The following RPTN variants were observed in gnomAD, a reference collection of about 807,000 sequenced individuals.
RPTN encodes repetin, also known as intermediate filament-associated protein.
A neutral mutation model predicts 3.6 loss-of-function variants in RPTN; 4 were observed. The ratio of observed to expected loss-of-function variants is 1.12; its 90% confidence interval spans 0.55 to 2.55. The LOEUF is 2.55. Among genes scored for constraint, RPTN ranks in the 30% most tolerant of loss-of-function variants. The pLI is 0.02. For missense variants in RPTN, 860 were observed against 916.7 expected, an observed-to-expected ratio of 0.94 and a Z score of 0.80; for synonymous variants, 293 against 319.3, an observed-to-expected ratio of 0.92 and a Z score of 0.88.
rs577994942 is a variant in RPTN, at chr1:152,153,981, G to A, written c.*763C>T. 59 of 152,420 alleles carry A rather than the reference G, an allele frequency of 3.9e-4. No homozygotes were observed. Among genetic ancestry groups the A allele is most frequent in the Middle Eastern group, 3.4e-3 (1 of 294 alleles). The allele number at this position is 152,420 out of a possible 1,614,324, so 9.4% of individuals were successfully genotyped here. On this transcript the variant is annotated 3_prime_UTR_variant, in exon 3 of 3. Coordinates refer to ENST00000316073, the MANE Select transcript of RPTN (RefSeq NM_001122965.1). Reference sequence around the variant, plus strand: ...TGATGTTTTATCCACAGGAGCCAAAGCTCACCAAATCTAGGGTTCCTTGAG... The same window carrying A: ...TGATGTTTTATCCACAGGAGCCAAAACTCACCAAATCTAGGGTTCCTTGAG...
intron 1 of RPTN, among the ~76,000 whole-genome samples, chr1:152,158,396 G>A (rs566306202): frequency 6.6e-6 from 1 of 152,304 alleles, no homozygotes; most frequent in East Asian, 1.9e-4. Context: ...AAGGCTGAAA[G>A]TCTCTCTTCA....
Position 152,157,883 on chromosome 1 carries a change from G to T in RPTN, c.7C>A (p.Gln3Lys), listed in dbSNP as rs1284743917. The change falls in exon 2 of 3, where the codon CAA (glutamine) becomes AAA (lysine). Residue 3 changes from glutamine (Q) to lysine (K), a missense_variant. Physicochemically the swap from Gln to Lys is moderately conservative, Grantham distance 53. Transcript: ENST00000316073. MAQLLNSILSVID... is the reference protein window; with the variant it reads MAKLLNSILSVID... ...ACACTGAGTATGCTATTCAGGAGTT[G>T]AGCCATTTTGACAAGTACGGGTGAA... is the stretch of plus-strand genomic sequence containing the variant. 6.2e-7 allele frequency: 1 copy of T among 1,613,630 alleles called. No homozygotes were observed. Among genetic ancestry groups the T allele is most frequent in the African/African-American group, 1.3e-5 (1 of 74,874 alleles).
In RPTN at chr1:152,157,809, T is replaced by C; in HGVS notation, c.81A>G (p.Leu27=). Residue 27 remains leucine (L), a synonymous_variant, in exon 2 of 3, where the codon TTA becomes TTG. Coordinates refer to ENST00000316073, the MANE Select transcript of RPTN (RefSeq NM_001122965.1). ...GTTGTTTCAACTCTTCCTTGCATAG[T>C]AAGGCACAGTCCCCATTCCCTTTGG... ...KYAKGNGDCA[L]LCKEELKQLL... The C allele has an allele frequency of 6.2e-7, 1 of 1,613,850 alleles. No individual in the cohort carries two copies. Among genetic ancestry groups the C allele is most frequent in the Non-Finnish European group, 8.5e-7 (1 of 1,179,784 alleles).
Position 152,156,019 on chromosome 1 carries a change from T to C in RPTN, c.1080A>G (p.Arg360=). 6.2e-7 allele frequency: 1 copy of C among 1,613,714 alleles called. No homozygotes were observed. Among genetic ancestry groups the C allele is most frequent in the Non-Finnish European group, 8.5e-7 (1 of 1,180,024 alleles). ...GQCYHYDQTN[R]QGQGSHYSQP... is the part of the protein sequence containing the mutation. ...GACTGTAGTGGGAACCCTGGCCTTG[T>C]CTGTTTGTCTGATCATAATGATAAC... The change falls in exon 3 of 3, where the codon AGA becomes AGG. Residue 360 remains arginine (R), a synonymous_variant. Transcript: ENST00000316073.
In RPTN at chr1:152,155,857, G is replaced by A. The variant is rs750535812; in HGVS notation, c.1242C>T (p.His414=). Residue 414 remains histidine, a synonymous_variant, in exon 3 of 3, where the codon CAC becomes CAT. Transcript: ENST00000316073. ...GGCCTTGTCGGTCCATCTGACTGTA[G>A]TGGGAACTCTGGCCTTGTCTCTCTG... The part of the protein sequence containing the change: ...GQTERQGQSS[H]YSQMDRQGQG... 6.2e-7 allele frequency: 1 copy of A among 1,611,852 alleles called. No individual in the cohort carries two copies. Among genetic ancestry groups the A allele is most frequent in the South Asian group, 1.1e-5 (1 of 90,760 alleles).
Position 152,154,759 on chromosome 1 carries a change from C to T in RPTN, c.2340G>A (p.Gln780=), listed in dbSNP as rs1437080383. The T allele has an allele frequency of 3.7e-6, 6 of 1,613,872 alleles. No homozygotes were observed. In the Admixed American group the frequency reaches 6.7e-5, roughly 18 times the overall value. ...TTTGCCTGTCTCATCTCTGATGGTT[C>T]TGCTCGTCTTCATGGGTTTGCCTGT... ...RRDRQTHEDE[Q]NHQR Residue 780 remains glutamine, a synonymous_variant, in exon 3 of 3, where the codon CAG becomes CAA. Coordinates refer to ENST00000316073, the MANE Select transcript of RPTN (RefSeq NM_001122965.1).
At chr1:152,158,310 C>T (rs144523678) in intron 1 of RPTN, among the ~76,000 whole-genome samples, 5 of 152,228 alleles carry the variant, frequency 3.3e-5, no homozygotes, top group Non-Finnish European at 7.4e-5. Context: ...TAACAACTAG[C>T]AAACTGGAGG....
In RPTN at chr1:152,156,970, G is replaced by A. The variant is rs1659219245; in HGVS notation, c.139-10C>T. The A allele has an allele frequency of 1.2e-6, 2 of 1,602,604 alleles. No homozygotes were observed. Among genetic ancestry groups the A allele is most frequent in the African/African-American group, 2.7e-5 (2 of 74,636 alleles). On this transcript the variant is annotated splice_polypyrimidine_tract_variant and intron_variant, in intron 2 of 2. Transcript: ENST00000316073. The stretch of plus-strand genomic sequence containing the variant: ...CTGGGTCATTTGGTCTCTGTTAGGA[G>A]ATAAAACAAAGAGCAAAATCAGATG...
rs368360422 is a variant in RPTN, at chr1:152,156,815, C to T, written c.284G>A (p.Gly95Glu). The stretch of plus-strand genomic sequence containing the variant: ...CCTTTCTTGCTGTGAGGTCCTGCCT[C>T]CATGTGACTTATTGTCTAGCTTATG... Reference protein sequence around the residue: ...CYHKLDNKSHGGRTSQQERGQ... With the variant: ...CYHKLDNKSHEGRTSQQERGQ... The change falls in exon 3 of 3, where the codon GGA (glycine) becomes GAA (glutamate). Residue 95 changes from glycine (G) to glutamate (E), a missense_variant. Physicochemically the swap from Gly to Glu is moderately conservative, Grantham distance 98. Transcript: ENST00000316073. 4.0e-5 allele frequency: 64 copies of T among 1,614,036 alleles called. No homozygotes were observed. The highest frequency in any genetic ancestry group is 5.0e-5 in the Non-Finnish European group (59 of 1,180,030).
rs141467677 is a variant in RPTN at position 152,155,206 on chromosome 1, G to C, written c.1893C>G (p.Asn631Lys). The C allele has an allele frequency of 6.2e-7, 1 of 1,614,088 alleles. No individual in the cohort carries two copies. Among genetic ancestry groups the C allele is most frequent in the African/African-American group, 1.3e-5 (1 of 74,932 alleles). ...QQTPGQEGYQ[N>K]QGQGFQSRDS... Reference sequence around the variant, plus strand: ...CCCTAGACTGGAATCCCTGTCCCTGGTTTTGGTACCCTTCCTGTCCTGGAG... The same window carrying C: ...CCCTAGACTGGAATCCCTGTCCCTGCTTTTGGTACCCTTCCTGTCCTGGAG... Residue 631 changes from asparagine to lysine, a missense_variant, in exon 3 of 3, where the codon AAC (asparagine) becomes AAG (lysine). By Grantham distance (94) the Asn-to-Lys change is moderately conservative. Coordinates refer to ENST00000316073, the MANE Select transcript of RPTN (RefSeq NM_001122965.1).
In RPTN at chr1:152,154,779, G is replaced by T; in HGVS notation, c.2320C>A (p.Gln774Lys). Reference protein sequence around the residue: ...DKQNRQRRDRQTHEDEQNHQR With the variant: ...DKQNRQRRDRKTHEDEQNHQR ...TGGTTCTGCTCGTCTTCATGGGTTT[G>T]CCTGTCTCGTCTCTGACGGTTCTGC... The change falls in exon 3 of 3, where the codon CAA (glutamine) becomes AAA (lysine). Residue 774 changes from glutamine (Q) to lysine (K), a missense_variant. Physicochemically the swap from Gln to Lys is moderately conservative, Grantham distance 53. Coordinates refer to ENST00000316073, the MANE Select transcript of RPTN (RefSeq NM_001122965.1). 1 of 1,613,804 alleles carries T rather than the reference G, an allele frequency of 6.2e-7. No homozygotes were observed. Among genetic ancestry groups the T allele is most frequent in the East Asian group, 2.2e-5 (1 of 44,824 alleles).
rs1659153425 is a variant in RPTN, at chr1:152,154,630, G to T, written c.*114C>A. 2.1e-6 allele frequency: 3 copies of T among 1,415,158 alleles called. No individual in the cohort carries two copies. Among genetic ancestry groups the T allele is most frequent in the Admixed American group, 2.1e-5 (1 of 47,764 alleles). The allele number at this position is 1,415,158 out of a possible 1,614,324, so 87.7% of individuals were successfully genotyped here. A position where few individuals can be genotyped will look rare whatever the true frequency, so the allele number is the denominator to read the frequency against. ...ATTTTTCTCTGTTAGGACAGCTTCT[G>T]TGGGTCACTTGGGATTTTTGATTCT... On this transcript the variant is annotated 3_prime_UTR_variant, in exon 3 of 3. Coordinates refer to ENST00000316073, the MANE Select transcript of RPTN (RefSeq NM_001122965.1).
Position 152,154,599 on chromosome 1 carries a change from TG to T in RPTN, c.*144del. 4 of 1,120,560 alleles carry T rather than the reference TG, an allele frequency of 3.6e-6. No individual in the cohort carries two copies. Among genetic ancestry groups the T allele is most frequent in the Non-Finnish European group, 3.9e-6 (3 of 774,928 alleles). The allele number at this position is 1,120,560 out of a possible 1,614,324, so 69.4% of individuals were successfully genotyped here. A position where few individuals can be genotyped will look rare whatever the true frequency, so the allele number is the denominator to read the frequency against. On this transcript the variant is annotated 3_prime_UTR_variant, in exon 3 of 3. Coordinates refer to ENST00000316073, the MANE Select transcript of RPTN (RefSeq NM_001122965.1). ...CCTTGGCTCTGGTCATCCTCTTTCA[TG>T]TGGAATTTTTCTCTGTTAGGACAGC...
Position 152,155,542 on chromosome 1 carries a change from C to G in RPTN, c.1557G>C (p.Gln519His), listed in dbSNP as rs749927255. ...SHYGQTDRQG[Q>H]SFHYGQPDRQ... is the part of the protein sequence containing the mutation. ...TGTCTGGCTGACCATAGTGGAAACTCTGGCCTTGTCTGTCTGTCTGACCAT... is the reference window on the plus strand; with the variant it reads ...TGTCTGGCTGACCATAGTGGAAACTGTGGCCTTGTCTGTCTGTCTGACCAT... The change falls in exon 3 of 3, where the codon CAG becomes CAC. Residue 519 changes from glutamine (Q) to histidine (H), a missense_variant. By Grantham distance (24) the Gln-to-His change is conservative. Coordinates refer to ENST00000316073, the MANE Select transcript of RPTN (RefSeq NM_001122965.1). 2.7e-5 allele frequency: 43 copies of G among 1,611,404 alleles called. 1 individual carries two copies. In the Middle Eastern group the frequency reaches 3.8e-3, roughly 142 times the overall value.
chr1:152,154,832 C>A lies in RPTN; in HGVS notation c.2267G>T (p.Arg756Ile). 6.2e-7 allele frequency: 1 copy of A among 1,613,762 alleles called. No homozygotes were observed. The highest frequency in any genetic ancestry group is 1.1e-5 in the South Asian group (1 of 91,036). ...QTHEHEQSHQ[R>I]RDRQTHEDKQ... ...GTCTTCATGGGTTTGCCTGTCTCGT[C>A]TCTGATGGCTCTGCTCATGTTCATG... The change falls in exon 3 of 3, where the codon AGA becomes ATA. Residue 756 changes from arginine (R) to isoleucine (I), a missense_variant. Physicochemically the swap from Arg to Ile is moderately conservative, Grantham distance 97 (BLOSUM62 -3). Transcript: ENST00000316073.
chr1:152,154,993 G>T lies in RPTN; in HGVS notation c.2106C>A (p.Ser702Arg), dbSNP rs778829379. The change falls in exon 3 of 3, where the codon AGC (serine) becomes AGA (arginine). Residue 702 changes from serine to arginine, a missense_variant. Coordinates refer to ENST00000316073, the MANE Select transcript of RPTN (RefSeq NM_001122965.1). ...GGCCCTGCTCTTCCTCTGCCCAGTG[G>T]CTCAGCCCCTCACCATGACTCTGCC... Reference protein sequence around the residue: ...QTRQSHGEGLSHWAEEEQGHQ... With the variant: ...QTRQSHGEGLRHWAEEEQGHQ... The T allele has an allele frequency of 2.5e-6, 4 of 1,613,788 alleles. No individual in the cohort carries two copies. The East Asian group carries it at 8.9e-5, about 36-fold the overall frequency.
chr1:152,155,962 A>T lies in RPTN; in HGVS notation c.1137T>A (p.Tyr379Ter). The change falls in exon 3 of 3, where the codon TAT (tyrosine) becomes TAA (stop). Residue 379 changes from tyrosine (Y) to a stop codon, truncating the protein, a stop_gained. Coordinates refer to ENST00000316073, the MANE Select transcript of RPTN (RefSeq NM_001122965.1). LOFTEE classifies it low-confidence loss of function (END_TRUNC). The part of the protein sequence containing the change: ...QPNRQGQSSH[Y>*]GQPDTQDQSS... Reference sequence around the variant, plus strand: ...TCTGATCTTGTGTGTCTGGCTGACCATAGTGGGAACTCTGACCTTGTCTGT... The same window carrying T: ...TCTGATCTTGTGTGTCTGGCTGACCTTAGTGGGAACTCTGACCTTGTCTGT... 6.2e-7 allele frequency: 1 copy of T among 1,613,156 alleles called. No homozygotes were observed. The highest frequency in any genetic ancestry group is 1.7e-5 in the Admixed American group (1 of 59,964).
In RPTN at chr1:152,155,676, A is replaced by G. The variant is rs751157024; in HGVS notation, c.1423T>C (p.Tyr475His). ...TGGCCTTGTTTGTCTGGCTGACTGTAGTGGGAACTCTGGCCTTGTCTGTCT... is the reference window on the plus strand; with the variant it reads ...TGGCCTTGTTTGTCTGGCTGACTGTGGTGGGAACTCTGGCCTTGTCTGTCT... ...QTDRQGQSSHYSQPDKQGQSS... is the reference protein window; with the variant it reads ...QTDRQGQSSHHSQPDKQGQSS... The change falls in exon 3 of 3, where the codon TAC becomes CAC. Residue 475 changes from tyrosine (Y) to histidine (H), a missense_variant. Physicochemically the swap from Tyr to His is moderately conservative, Grantham distance 83 (BLOSUM62 2). Coordinates refer to ENST00000316073, the MANE Select transcript of RPTN (RefSeq NM_001122965.1). 1.9e-6 allele frequency: 3 copies of G among 1,603,616 alleles called. No individual in the cohort carries two copies.
chr1:152,156,565 T>C lies in RPTN; in HGVS notation c.534A>G (p.Arg178=). 1 of 1,613,366 alleles carries C rather than the reference T, an allele frequency of 6.2e-7. No homozygotes were observed. The highest frequency in any genetic ancestry group is 1.1e-5 in the South Asian group (1 of 90,936). ...SHHSQPERQD[R]DSHHNQSERQ... The stretch of plus-strand genomic sequence containing the variant: ...TCTCAGACTGATTGTGGTGAGAATC[T>C]CTGTCTTGTCTCTCAGGCTGACTGT... Residue 178 remains arginine, a synonymous_variant, in exon 3 of 3, where the codon AGA becomes AGG. Transcript: ENST00000316073.
Sources: allele counts gnomAD v4.1 joint callset (sites outside exome capture counted in the v4.1 genomes callset), GRCh38; gene constraint gnomAD v4.1.1; transcripts MANE v1.5; gene names NCBI Gene and HGNC (gene_info 2026-07-23, HGNC 2026-07-21).